SLC22A15: variants seen among roughly 807,000 people sequenced by gnomAD.
The protein encoded by SLC22A15 is flipt 1.
Under a neutral mutation model 62.7 loss-of-function variants are expected in SLC22A15, and 45 were observed. The ratio of observed to expected loss-of-function variants is 0.72; its 90% CI spans 0.56 to 0.92. The LOEUF (loss-of-function observed/expected upper bound fraction) is 0.92, where lower values mean the gene tolerates loss of function less well. Ranked by LOEUF, SLC22A15 falls within the 40% of genes least tolerant of loss-of-function variation. The pLI, the probability that SLC22A15 is intolerant of heterozygous loss-of-function variation, is 0.00. For synonymous variants in SLC22A15, 264 were observed against 267.0 expected (o/e 0.99, Z 0.11); for missense variants, 622 against 665.6 (o/e 0.93, Z 0.72).
At chr1:115,996,614 A>G (rs930266961) in intron 2 of SLC22A15, among the ~76,000 whole-genome samples, 5 of 150,010 alleles carry the variant, frequency 3.3e-5, no homozygotes, top group Admixed American at 1.3e-4. Context: ...TATAAATGGT[A>G]CTGTATTTTA....
chr1:116,059,684 G>C (rs985425234), intron 8 of SLC22A15, among the ~76,000 whole-genome samples: 1 of 152,098 alleles, frequency 6.6e-6, no homozygotes, highest in African/African-American at 2.4e-5. Context: ...TCATAGCAGA[G>C]GACCTGTACC....
At chr1:116,018,890 T>C (rs1205424291) in intron 2 of SLC22A15, among the ~76,000 whole-genome samples, 1 of 152,234 alleles carries the variant, frequency 6.6e-6, no homozygotes, top group Non-Finnish European at 1.5e-5. Flanking sequence ...CTTTAACAAA[T>C]CTCTGGCTAT....
chr1:116,050,085 C>T (rs563317109), intron 8 of SLC22A15, among the ~76,000 whole-genome samples: 15 of 151,914 alleles, frequency 9.9e-5, no homozygotes, highest in Middle Eastern at 3.2e-3. Context: ...TAACAAGCAA[C>T]GAGATTGAAA....
chr1:116,028,384 T>C (rs1657208941), intron 5 of SLC22A15, among the ~76,000 whole-genome samples: 1 of 152,056 alleles, frequency 6.6e-6, no homozygotes, highest in Non-Finnish European at 1.5e-5. Context: ...AATAAACATT[T>C]ATGTAAATAT....
intron 2 of SLC22A15, among the ~76,000 whole-genome samples, chr1:115,994,632 CT>C (rs1655327607): frequency 6.6e-6 from 1 of 152,150 alleles, no homozygotes; most frequent in Non-Finnish European, 1.5e-5. Context: ...TCTATTGTTA[CT>C]AGTTTGCCTC....
intron 2 of SLC22A15, among the ~76,000 whole-genome samples, chr1:116,008,297 A>G (rs190836706): frequency 1.3e-5 from 2 of 152,332 alleles, no homozygotes; most frequent in Non-Finnish European, 2.9e-5. Context: ...TTTTAAAGGC[A>G]AAAAGAGGAA....
intron 8 of SLC22A15, among the ~76,000 whole-genome samples, chr1:116,054,193 T>G (rs1041363913): frequency 6.6e-6 from 1 of 151,714 alleles, no homozygotes; most frequent in African/African-American, 2.4e-5. Context: ...AGGCTCAAAA[T>G]AAAAGGATGG....
intron 8 of SLC22A15, among the ~76,000 whole-genome samples, chr1:116,058,970 G>A (rs1052991441): frequency 6.6e-6 from 1 of 152,060 alleles, no homozygotes; most frequent in Non-Finnish European, 1.5e-5. Context: ...GAGGGAAGCG[G>A]GGCAAGGAAT....
At chr1:115,994,604 T>G (rs1570699917) in intron 2 of SLC22A15, among the ~76,000 whole-genome samples, 1 of 152,320 alleles carries the variant, frequency 6.6e-6, no homozygotes, top group Non-Finnish European at 1.5e-5. Flanking sequence ...AAGAATCCCC[T>G]TATCTCTTTT....
chr1:116,036,499 G>C (rs1382102176), intron 7 of SLC22A15, among the ~76,000 whole-genome samples: 1 of 152,130 alleles, frequency 6.6e-6, no homozygotes, highest in Non-Finnish European at 1.5e-5. Context: ...TGCTACCTTT[G>C]TGACCAGGCA....
chr1:116,057,601 T>C (rs974878624), intron 8 of SLC22A15, among the ~76,000 whole-genome samples: 5 of 152,196 alleles, frequency 3.3e-5, no homozygotes, highest in Non-Finnish European at 7.3e-5. Flanking sequence ...TAAAGACACA[T>C]GCACACGTAT....
At chr1:116,046,289 G>C (rs1437321707) in intron 8 of SLC22A15, among the ~76,000 whole-genome samples, 3 of 152,016 alleles carry the variant, frequency 2.0e-5, no homozygotes. Flanking sequence ...CTTTTTAAAA[G>C]ACTCTATTAC....
chr1:116,008,654 G>A (rs79765145), intron 2 of SLC22A15, among the ~76,000 whole-genome samples: 5 of 152,172 alleles, frequency 3.3e-5, no homozygotes, highest in African/African-American at 4.8e-5. Context: ...TAAGATGCTC[G>A]CAGTCACCTG....
chr1:116,052,457 C>A (rs1437118284), intron 8 of SLC22A15, among the ~76,000 whole-genome samples: 1 of 152,254 alleles, frequency 6.6e-6, no homozygotes, highest in South Asian at 2.1e-4. Flanking sequence ...GTAGGCTCCA[C>A]CTCTGGGGGC....
At position 116,070,039 on chromosome 1, in the gene SLC22A15, A is replaced by G. The variant is rs1275896715; in HGVS notation, c.*2931A>G. The G allele has an allele frequency of 6.6e-6, 1 of 152,206 alleles. No homozygotes were observed. Among genetic ancestry groups the G allele is most frequent in the Non-Finnish European group, 1.5e-5 (1 of 68,022 alleles). The allele number at this position is 152,206 out of a possible 1,614,324, so 9.4% of individuals were successfully genotyped here. A position where few individuals can be genotyped will look rare whatever the true frequency, so the allele number is the denominator to read the frequency against. ...TTTTGGCTTCTTGTGAATGTAATAA[A>G]GAATCATAAAACATAGACCTTTTTT... On this transcript the variant is annotated 3_prime_UTR_variant, in exon 12 of 12. Transcript: ENST00000369503.
intron 10 of SLC22A15, among the ~76,000 whole-genome samples, chr1:116,065,633 C>A (rs2101579216): frequency 1.3e-5 from 2 of 151,896 alleles, no homozygotes; most frequent in Non-Finnish European, 2.9e-5. Context: ...TCGGTTCTCT[C>A]CATCTCTCCC....
At chr1:115,996,706 A>T (rs531558999) in intron 2 of SLC22A15, among the ~76,000 whole-genome samples, 1 of 41,056 alleles carries the variant, frequency 2.4e-5, no homozygotes, top group African/African-American at 4.6e-5. Flanking sequence ...GTATCCTTTG[A>T]TCTTAATCTT....
intron 2 of SLC22A15, among the ~76,000 whole-genome samples, chr1:115,996,930 GT>G (rs766176509): frequency 9.0e-4 from 132 of 145,884 alleles, no homozygotes; most frequent in African/African-American, 1.6e-3. Flanking sequence ...AGTAAGGACA[GT>G]TTTTTTTTTT....
intron 8 of SLC22A15, among the ~76,000 whole-genome samples, chr1:116,055,343 A>G (rs1658171676): frequency 6.6e-6 from 1 of 151,950 alleles, no homozygotes; most frequent in Non-Finnish European, 1.5e-5. Flanking sequence ...CACCCTCCCA[A>G]GACTAAACCA....
Sources: allele counts gnomAD v4.1 joint callset (sites outside exome capture counted in the v4.1 genomes callset), GRCh38; gene constraint gnomAD v4.1.1; transcripts MANE v1.5; gene names NCBI Gene and HGNC (gene_info 2026-07-23, HGNC 2026-07-21).